PDE12: variants seen among roughly 807,000 people sequenced by gnomAD.
PDE12 encodes the protein phosphodiesterase 12, also known as 2',5'-phosphodiesterase 12.
PDE12 carries 26 observed loss-of-function variants against 45.4 expected under a neutral mutation model. The observed-to-expected ratio is 0.57, with a 90% CI of 0.42 to 0.79. The LOEUF (loss-of-function observed/expected upper bound fraction) is 0.79, where lower values mean the gene tolerates loss of function less well. Ranked by LOEUF, PDE12 falls within the 30% of genes least tolerant of loss-of-function variation. The pLI is 0.00. For synonymous variants in PDE12, 283 were observed against 323.9 expected, an observed-to-expected ratio of 0.87 and a Z score of 1.36; for missense variants, 668 against 790.0, an observed-to-expected ratio of 0.85 and a Z score of 1.85.
chr3:57,577,426 C>T, the PDE12 span: 132 of 1,518,470 alleles, frequency 8.7e-5, no homozygotes, highest in South Asian at 4.9e-4. Flanking sequence ...AACAGTTAAA[C>T]GACACTCTCT....
the PDE12 span, among the ~76,000 whole-genome samples, chr3:57,606,122 A>G: frequency 1.3e-5 from 2 of 152,172 alleles, no homozygotes; most frequent in African/African-American, 4.8e-5. Context: ...GTTAAACCAC[A>G]CGTATAGATG....
rs747504902 is a variant in PDE12 at position 57,560,079 on chromosome 3, T to G, written c.*75T>G. ...AGAAAATTTAATATGAATCAAAGCT[T>G]ATATGTAAACTTCAAGGAGGAATGG... On this transcript the variant is annotated 3_prime_UTR_variant, in exon 3 of 3. Transcript: ENST00000311180. 9.7e-4 allele frequency: 1,467 copies of G among 1,513,440 alleles called. 9 individuals are homozygous for G. The highest frequency in any genetic ancestry group is 1.8e-3 in the Middle Eastern group (10 of 5,632). The allele number at this position is 1,513,440 out of a possible 1,614,324, so 93.8% of individuals were successfully genotyped here.
the PDE12 span, among the ~76,000 whole-genome samples, chr3:57,579,480 A>C: frequency 6.6e-6 from 1 of 151,466 alleles, no homozygotes; most frequent in Non-Finnish European, 1.5e-5. Flanking sequence ...TAGAGATGAG[A>C]TTTTACTATG....
the PDE12 span, among the ~76,000 whole-genome samples, chr3:57,655,556 T>C: frequency 6.6e-6 from 1 of 152,184 alleles, no homozygotes; most frequent in Admixed American, 6.5e-5. Context: ...AAATTCTACT[T>C]ATGACCTCAA....
At chr3:57,614,645 G>C in the PDE12 span, among the ~76,000 whole-genome samples, 1 of 145,816 alleles carries the variant, frequency 6.9e-6, no homozygotes. Context: ...CTGGGTTCAC[G>C]CCATTCTCCC....
chr3:57,615,950 G>A, the PDE12 span, among the ~76,000 whole-genome samples: 2 of 152,144 alleles, frequency 1.3e-5, no homozygotes, highest in African/African-American at 4.8e-5. Context: ...AGGATAATGA[G>A]GGAATAATTT....
At chr3:57,615,156 G>A in the PDE12 span, among the ~76,000 whole-genome samples, 1 of 151,810 alleles carries the variant, frequency 6.6e-6, no homozygotes, top group Non-Finnish European at 1.5e-5. Flanking sequence ...CAGACAGCTC[G>A]CCCCCCTCGG....
At chr3:57,605,433 C>A in the PDE12 span, among the ~76,000 whole-genome samples, 1 of 152,074 alleles carries the variant, frequency 6.6e-6, no homozygotes, top group Non-Finnish European at 1.5e-5. Context: ...TTCTATCAAT[C>A]AGCCAGATTG....
chr3:57,556,343 G>C lies in PDE12; in HGVS notation c.-37G>C, dbSNP rs1321372609. 3 of 1,516,998 alleles carry C rather than the reference G, an allele frequency of 2.0e-6. No homozygotes were observed. The Admixed American group carries it at 6.2e-5, about 31-fold the overall frequency. 94.0% of individuals were successfully genotyped at this position (1,516,998 alleles called of 1,614,324 possible). On this transcript the variant is annotated 5_prime_UTR_variant, in exon 1 of 3. Transcript: ENST00000311180. This position sits in a 1 kb window ranked among gnomAD's most constrained non-coding sequence, Gnocchi z 5.0. Reference sequence around the variant, plus strand: ...TCCACCTGACAGTAGGCCGCTGATCGGCCGCGGGTCTTGTCGACCGCTAGG... The same window carrying C: ...TCCACCTGACAGTAGGCCGCTGATCCGCCGCGGGTCTTGTCGACCGCTAGG...
chr3:57,613,900 C>CAAAAAAAAAAAAAAAAAAAAA, the PDE12 span, among the ~76,000 whole-genome samples: 5 of 59,452 alleles, frequency 8.4e-5, no homozygotes, highest in Admixed American at 2.3e-4. Context: ...GACTCCATCT[C>CAAAAAAAAAAAAAAAAAAAAA]AAAAAAAAAA....
At chr3:57,655,522 CAT>C in the PDE12 span, among the ~76,000 whole-genome samples, 1 of 152,274 alleles carries the variant, frequency 6.6e-6, no homozygotes, top group East Asian at 1.9e-4. Flanking sequence ...AGGTTTTGAG[CAT>C]TGACATGATG....
the PDE12 span, chr3:57,630,544 A>G: frequency 6.3e-7 from 1 of 1,578,620 alleles, no homozygotes; most frequent in Non-Finnish European, 8.6e-7. Context: ...ACATTTTAAA[A>G]AAGTAAAGTT....
chr3:57,577,436 T>G, the PDE12 span: 1 of 1,469,420 alleles, frequency 6.8e-7, no homozygotes, highest in Non-Finnish European at 9.5e-7. Context: ...CGACACTCTC[T>G]ATATGAAACA....
chr3:57,586,141 T>C, the PDE12 span, among the ~76,000 whole-genome samples: 18 of 152,338 alleles, frequency 1.2e-4, no homozygotes, highest in East Asian at 3.1e-3. Flanking sequence ...CAGTGTTTGC[T>C]AAAGCCCTCA....
chr3:57,560,966 A>G lies in PDE12; in HGVS notation c.*962A>G. On this transcript the variant is annotated 3_prime_UTR_variant, in exon 3 of 3. Coordinates refer to ENST00000311180, the MANE Select transcript of PDE12 (RefSeq NM_177966.7). ...CTTCTCATCTTTCATTTTTCAATGA[A>G]CAAGTAAGGTATTTTCATTCTTATT... 4 of 977,336 alleles carry G rather than the reference A, an allele frequency of 4.1e-6. No individual in the cohort carries two copies. Among genetic ancestry groups the G allele is most frequent in the Non-Finnish European group, 4.9e-6 (4 of 822,206 alleles). The allele number at this position is 977,336 out of a possible 1,614,324, so 60.5% of individuals were successfully genotyped here. A position where few individuals can be genotyped will look rare whatever the true frequency, so the allele number is the denominator to read the frequency against.
At chr3:57,577,439 A>G in the PDE12 span, 16 of 1,451,964 alleles carry the variant, frequency 1.1e-5, no homozygotes, top group East Asian at 3.4e-4. Flanking sequence ...CACTCTCTAT[A>G]TGAAACAGTG....
chr3:57,559,799 G>A lies in PDE12; in HGVS notation c.1625G>A (p.Ser542Asn). The A allele has an allele frequency of 1.2e-6, 2 of 1,614,202 alleles. No individual in the cohort carries two copies. Among genetic ancestry groups the A allele is most frequent in the Non-Finnish European group, 1.7e-6 (2 of 1,180,034 alleles). ...CTTACACATTTCTTCAAGCTGAAAA[G>A]TGCTTGTGGTGAACCTGCTTACACA... ...MSLTHFFKLK[S>N]ACGEPAYTNY... Residue 542 changes from serine to asparagine, a missense_variant, in exon 3 of 3, where the codon AGT becomes AAT. Coordinates refer to ENST00000311180, the MANE Select transcript of PDE12 (RefSeq NM_177966.7).
At chr3:57,630,481 G>A in the PDE12 span, 1 of 1,592,872 alleles carries the variant, frequency 6.3e-7, no homozygotes, top group African/African-American at 1.4e-5. Context: ...CCTTCCTCCG[G>A]GTCTTAAACC....
chr3:57,568,436 C>A (rs2069805586), downstream of PDE12, among the ~76,000 whole-genome samples: 1 of 151,850 alleles, frequency 6.6e-6, no homozygotes, highest in Non-Finnish European at 1.5e-5. Context: ...GCCTGGGCGA[C>A]AGAGCGAGAC....
Sources: gnomAD v4.1 joint callset for allele counts (sites outside exome capture counted in the v4.1 genomes callset) on GRCh38, gnomAD v4.1.1 for gene constraint, Gnocchi (gnomAD v3.1) non-coding constraint, MANE v1.5 for transcripts, NCBI Gene and HGNC (gene_info 2026-07-23, HGNC 2026-07-21) for gene names.